HEMK2: variants seen among roughly 807,000 people sequenced by gnomAD.
HEMK2 encodes methyltransferase HEMK2.
At chr21:28,625,696 C>T in the HEMK2 span, among the ~76,000 whole-genome samples, 7 of 151,652 alleles carry the variant, frequency 4.6e-5, no homozygotes, top group African/African-American at 1.7e-4. Context: ...CCAGCCTAGG[C>T]CACAGAGCAA....
chr21:28,880,294 T>C, the HEMK2 span, among the ~76,000 whole-genome samples: 1 of 152,360 alleles, frequency 6.6e-6, no homozygotes, highest in South Asian at 2.1e-4. Flanking sequence ...TTTACAACTA[T>C]ATATGCTAAC....
the HEMK2 span, among the ~76,000 whole-genome samples, chr21:28,841,768 C>A: frequency 6.6e-6 from 1 of 151,732 alleles, no homozygotes; most frequent in South Asian, 2.1e-4. Flanking sequence ...AAAGAACTTA[C>A]TCATGTAACC....
chr21:28,851,102 A>G, the HEMK2 span, among the ~76,000 whole-genome samples: 1 of 152,222 alleles, frequency 6.6e-6, no homozygotes, highest in East Asian at 1.9e-4. Context: ...GATGACCCAT[A>G]ATCTAACATT....
chr21:28,869,516 G>T, the HEMK2 span, among the ~76,000 whole-genome samples: 5 of 151,980 alleles, frequency 3.3e-5, no homozygotes, highest in African/African-American at 1.2e-4. Flanking sequence ...CTTCTTCTTG[G>T]GCATACAGTT....
chr21:28,658,375 A>G, the HEMK2 span, among the ~76,000 whole-genome samples: 1 of 152,174 alleles, frequency 6.6e-6, no homozygotes, highest in South Asian at 2.1e-4. Flanking sequence ...AAGAAAATGC[A>G]TAGAACAGAA....
At chr21:28,783,118 T>C in the HEMK2 span, among the ~76,000 whole-genome samples, 1 of 152,224 alleles carries the variant, frequency 6.6e-6, no homozygotes, top group African/African-American at 2.4e-5. Context: ...ATAAGCTATC[T>C]TGGGGATGGG....
At chr21:28,653,694 T>G in the HEMK2 span, among the ~76,000 whole-genome samples, 1 of 152,304 alleles carries the variant, frequency 6.6e-6, no homozygotes, top group South Asian at 2.1e-4. Flanking sequence ...AATGAAAGCA[T>G]TGCTGCTTCC....
At chr21:28,727,727 A>G in the HEMK2 span, among the ~76,000 whole-genome samples, 1 of 152,214 alleles carries the variant, frequency 6.6e-6, no homozygotes, top group African/African-American at 2.4e-5. Flanking sequence ...GCGTAGGTAA[A>G]TTTGATGTTC....
chr21:28,669,702 G>C, the HEMK2 span, among the ~76,000 whole-genome samples: 1 of 152,188 alleles, frequency 6.6e-6, no homozygotes, highest in Non-Finnish European at 1.5e-5. Flanking sequence ...ACTTGAATCA[G>C]AGCTTTTTAG....
At chr21:28,658,433 AC>A in the HEMK2 span, among the ~76,000 whole-genome samples, 1 of 151,990 alleles carries the variant, frequency 6.6e-6, no homozygotes, top group Non-Finnish European at 1.5e-5. Context: ...AATAAATACA[AC>A]CCACTTCAAG....
the HEMK2 span, among the ~76,000 whole-genome samples, chr21:28,706,016 A>G: frequency 6.6e-6 from 1 of 152,222 alleles, no homozygotes; most frequent in Non-Finnish European, 1.5e-5. Context: ...TCACATCTTC[A>G]AAGTCATTTT....
At chr21:28,841,301 T>A in the HEMK2 span, among the ~76,000 whole-genome samples, 2 of 12,842 alleles carry the variant, frequency 1.6e-4, no homozygotes, top group Non-Finnish European at 1.1e-4. Flanking sequence ...TATTATATAT[T>A]ATATATAATA....
At chr21:28,831,598 GGAAAGAAGGAAAGAAGGAAAGAAGGAAA>G in the HEMK2 span, among the ~76,000 whole-genome samples, 2 of 64,848 alleles carry the variant, frequency 3.1e-5, no homozygotes, top group Admixed American at 1.8e-4. Flanking sequence ...AAGGAAAGAA[GGAAAGAAGGAAAGAAGGAAAGAAGGAAA>G]GAAGGAAGGA....
chr21:28,671,852 C>T, the HEMK2 span, among the ~76,000 whole-genome samples: 8 of 152,272 alleles, frequency 5.3e-5, no homozygotes, highest in Admixed American at 2.0e-4. Context: ...TAATGTCACA[C>T]GTAAATTCTG....
At chr21:28,685,050 G>C in the HEMK2 span, among the ~76,000 whole-genome samples, 1 of 152,136 alleles carries the variant, frequency 6.6e-6, no homozygotes, top group Non-Finnish European at 1.5e-5. Flanking sequence ...GAGAATGAGA[G>C]AGTTGGGAGG....
chr21:28,652,106 T>G, the HEMK2 span, among the ~76,000 whole-genome samples: 1 of 152,206 alleles, frequency 6.6e-6, no homozygotes, highest in African/African-American at 2.4e-5. Context: ...ATATTTTTAG[T>G]CCCCTAAGAT....
the HEMK2 span, among the ~76,000 whole-genome samples, chr21:28,734,337 T>A: frequency 6.6e-6 from 1 of 152,202 alleles, no homozygotes; most frequent in Non-Finnish European, 1.5e-5. Flanking sequence ...AATGTTTTCA[T>A]CTTTGTTTTT....
the HEMK2 span, among the ~76,000 whole-genome samples, chr21:28,649,443 T>A: frequency 2.6e-5 from 4 of 152,224 alleles, no homozygotes; most frequent in African/African-American, 9.6e-5. Context: ...TCACTGAGCA[T>A]CTACATTGTG....
the HEMK2 span, among the ~76,000 whole-genome samples, chr21:28,661,434 G>T: frequency 6.6e-6 from 1 of 151,804 alleles, no homozygotes; most frequent in African/African-American, 2.4e-5. Flanking sequence ...AAATATATGG[G>T]ATTTTAACAG....
Sources: gnomAD v4.1 joint callset for allele counts (sites outside exome capture counted in the v4.1 genomes callset) on GRCh38, gnomAD v4.1.1 for gene constraint, MANE v1.5 for transcripts, NCBI Gene and HGNC (gene_info 2026-07-23, HGNC 2026-07-21) for gene names.